Variants in SGPP2 observed in about 807,000 individuals in gnomAD.
SGPP2 encodes sphingosine 1-phosphate phosphohydrolase 2.
Under a neutral mutation model 33.9 loss-of-function variants are expected in SGPP2, and 30 were observed. The observed-to-expected ratio is 0.89, with a 90% confidence interval of 0.66 to 1.20. The LOEUF (loss-of-function observed/expected upper bound fraction) is 1.20. SGPP2 is among the 50% of genes most tolerant of loss of function. SGPP2 has a pLI of 0.00. For synonymous variants in SGPP2, 233 were observed against 225.0 expected (o/e 1.04, Z -0.32); for missense variants, 458 against 532.1 (o/e 0.86, Z 1.37).
At chr2:222,458,747 C>T (rs1321496181) in intron 1 of SGPP2, among the ~76,000 whole-genome samples, 1 of 152,146 alleles carries the variant, frequency 6.6e-6, no homozygotes, top group East Asian at 1.9e-4. Context: ...ATTTTCATCA[C>T]CCCAAAAAGA....
chr2:222,480,938 C>G (rs574523842), intron 2 of SGPP2, among the ~76,000 whole-genome samples: 1 of 152,288 alleles, frequency 6.6e-6, no homozygotes, highest in South Asian at 2.1e-4. Flanking sequence ...AGATCATGTC[C>G]TTTGCCAGTA....
intron 1 of SGPP2, among the ~76,000 whole-genome samples, chr2:222,449,491 A>G (rs1385559154): frequency 2.2e-5 from 3 of 138,798 alleles, no homozygotes; most frequent in African/African-American, 8.2e-5. Flanking sequence ...TTTTTTTGAG[A>G]CGGAGTCTCG....
rs372980807 is a variant in SGPP2, at chr2:222,512,213, G to A, written c.379-9554G>A. ...TTTTTGGTAGAGATGGGGTTTCACC[G>A]TGTTAGCCAGGATGGTCTCAATCTC... On this transcript the variant is annotated intron_variant, in intron 2 of 4. Coordinates refer to ENST00000321276, the MANE Select transcript of SGPP2 (RefSeq NM_152386.4). Among the ~76,000 whole-genome samples the A allele has an allele frequency of 1.6e-4, 24 of 151,408 alleles. 1 individual carries two copies. In the South Asian group the frequency reaches 2.5e-3, roughly 16 times the overall value.
chr2:222,428,955 C>A (rs1402170201), intron 1 of SGPP2, among the ~76,000 whole-genome samples: 1 of 151,846 alleles, frequency 6.6e-6, no homozygotes. Flanking sequence ...CCATGTCCAG[C>A]TAATTTTTGT....
chr2:222,527,786 G>A (rs1698780330), intron 4 of SGPP2, among the ~76,000 whole-genome samples: 1 of 152,226 alleles, frequency 6.6e-6, no homozygotes, highest in Non-Finnish European at 1.5e-5. Flanking sequence ...GGCCTAGGGT[G>A]CAATGATGAG....
chr2:222,494,282 T>TTTTTTAAAAA (rs1698242354), intron 2 of SGPP2, among the ~76,000 whole-genome samples: 1 of 152,220 alleles, frequency 6.6e-6, no homozygotes, highest in Non-Finnish European at 1.5e-5. Context: ...GAAAAAAGAT[T>TTTTTTAAAAA]TTTTAAAAAA....
chr2:222,430,394 A>G (rs1697135619), intron 1 of SGPP2, among the ~76,000 whole-genome samples: 1 of 152,226 alleles, frequency 6.6e-6, no homozygotes, highest in Non-Finnish European at 1.5e-5. Context: ...AAAATGGTAC[A>G]TGTTATGTAT....
rs1697940905 is a variant in SGPP2 at position 222,476,783 on chromosome 2, T to G, written c.378+2057T>G. Among the ~76,000 whole-genome samples, 1 of 151,988 alleles carries G rather than the reference T, an allele frequency of 6.6e-6. No individual in the cohort carries two copies. Among genetic ancestry groups the G allele is most frequent in the South Asian group, 2.1e-4 (1 of 4,830 alleles). On this transcript the variant is annotated intron_variant, in intron 2 of 4. Coordinates refer to ENST00000321276, the MANE Select transcript of SGPP2 (RefSeq NM_152386.4). The surrounding 1 kb of genome is among the most constrained non-coding windows in gnomAD (Gnocchi z 4.3). ...ATAGGTGTGTATATATGCGTATGTG[T>G]GTATACAGGTGTGTGTATATCCGTG...
intron 1 of SGPP2, among the ~76,000 whole-genome samples, chr2:222,427,357 C>T (rs904059669): frequency 6.6e-6 from 1 of 152,126 alleles, no homozygotes; most frequent in African/African-American, 2.4e-5. Flanking sequence ...ACATCCTGGA[C>T]TCCTGCAGTT....
At chr2:222,543,953 A>G (rs1330296595) in intron 4 of SGPP2, among the ~76,000 whole-genome samples, 5 of 152,208 alleles carry the variant, frequency 3.3e-5, no homozygotes, top group Non-Finnish European at 7.3e-5. Context: ...GACTATTCCA[A>G]TATATGGGCA....
Position 222,561,437 on chromosome 2 carries a change from T to C in SGPP2, c.*2539T>C, listed in dbSNP as rs946933286. On this transcript the variant is annotated 3_prime_UTR_variant, in exon 5 of 5. Transcript: ENST00000321276. ...TGTCTGAAGCCAGCTGACAAAAGGA[T>C]CAGCTTTTCCCACTTGTATTTTTTA... Among the ~76,000 whole-genome samples, 1 of 152,012 alleles carries C rather than the reference T, an allele frequency of 6.6e-6. No homozygotes were observed. The highest frequency in any genetic ancestry group is 1.5e-5 in the Non-Finnish European group (1 of 68,002).
At chr2:222,435,040 GTA>G (rs1250355567) in intron 1 of SGPP2, among the ~76,000 whole-genome samples, 3 of 144,728 alleles carry the variant, frequency 2.1e-5, no homozygotes, top group South Asian at 2.2e-4. Context: ...ATATATATGT[GTA>G]TATATATACA....
intron 2 of SGPP2, among the ~76,000 whole-genome samples, chr2:222,511,817 A>G (rs560237289): frequency 3.7e-4 from 56 of 152,024 alleles, no homozygotes; most frequent in African/African-American, 9.9e-4. Context: ...AGCTGGGACT[A>G]CAGGTGTTCC....
intron 1 of SGPP2, among the ~76,000 whole-genome samples, chr2:222,434,975 T>TACACACACACACAC (rs71053082): frequency 4.1e-5 from 6 of 146,008 alleles, no homozygotes; most frequent in Non-Finnish European, 7.5e-5. Context: ...TGGAGATATA[T>TACACACACACACAC]ACACACACAC....
At chr2:222,481,421 AGTT>A (rs1331616214) in intron 2 of SGPP2, among the ~76,000 whole-genome samples, 1 of 152,160 alleles carries the variant, frequency 6.6e-6, no homozygotes, top group East Asian at 1.9e-4. Flanking sequence ...GATTTCCACC[AGTT>A]GTTAACGTAG....
chr2:222,475,016 T>TG (rs1410123531), intron 2 of SGPP2, among the ~76,000 whole-genome samples: 3 of 152,190 alleles, frequency 2.0e-5, no homozygotes, highest in Admixed American at 2.0e-4. Flanking sequence ...TCTAATCTTG[T>TG]GGCCTTTCAT....
In SGPP2 at chr2:222,534,245, C is replaced by T. The variant is rs370191119; in HGVS notation, c.648+9212C>T. Among the ~76,000 whole-genome samples, 9 of 152,246 alleles carry T rather than the reference C, an allele frequency of 5.9e-5. 1 individual carries two copies. In the East Asian group the frequency reaches 9.6e-4, roughly 16 times the overall value. On this transcript the variant is annotated intron_variant, in intron 4 of 4. Transcript: ENST00000321276. The stretch of plus-strand genomic sequence containing the variant: ...ACTTACACAAAACGGATTTTAAGCC[C>T]TTTGACTAATGAAACAACCATCCCA...
At chr2:222,478,819 T>A (rs1017839592) in intron 2 of SGPP2, among the ~76,000 whole-genome samples, 6 of 152,224 alleles carry the variant, frequency 3.9e-5, no homozygotes, top group Non-Finnish European at 5.9e-5. Flanking sequence ...TGCTCTCTCC[T>A]CACAATCATA....
chr2:222,541,217 G>GT (rs1698991932), intron 4 of SGPP2, among the ~76,000 whole-genome samples: 3 of 152,342 alleles, frequency 2.0e-5, no homozygotes, highest in South Asian at 4.1e-4. Flanking sequence ...AAAACTCTAA[G>GT]TTAACTGTGG....
Sources: allele counts gnomAD v4.1 joint callset (sites outside exome capture counted in the v4.1 genomes callset), GRCh38; gene constraint gnomAD v4.1.1; non-coding constraint Gnocchi (gnomAD v3.1); transcripts MANE v1.5; gene names NCBI Gene and HGNC (gene_info 2026-07-23, HGNC 2026-07-21).